Variants in SLC35D4 observed in about 807,000 individuals in gnomAD.
SLC35D4 encodes the protein UDP-N-acetylglucosamine transporter SLC35D4.
chr18:23,287,102 G>C, the SLC35D4 span, among the ~76,000 whole-genome samples: 1 of 151,994 alleles, frequency 6.6e-6, no homozygotes, highest in Non-Finnish European at 1.5e-5. Flanking sequence ...GCCTGCTACA[G>C]CATGGCCTTT....
the SLC35D4 span, among the ~76,000 whole-genome samples, chr18:23,406,226 A>T: frequency 1.3e-5 from 2 of 152,228 alleles, no homozygotes; most frequent in African/African-American, 4.8e-5. Flanking sequence ...AGGAACTGCC[A>T]GCAATTTGCA....
the SLC35D4 span, among the ~76,000 whole-genome samples, chr18:23,416,148 T>C: frequency 2.0e-5 from 3 of 152,244 alleles, no homozygotes; most frequent in Non-Finnish European, 4.4e-5. Flanking sequence ...GAGGCAGAAG[T>C]TGAAGTGAGC....
chr18:23,256,837 G>A, the SLC35D4 span, among the ~76,000 whole-genome samples: 4 of 152,226 alleles, frequency 2.6e-5, no homozygotes, highest in African/African-American at 9.6e-5. Flanking sequence ...CACAGGTAGA[G>A]TTTGAGTCCC....
At chr18:23,269,942 G>C in the SLC35D4 span, among the ~76,000 whole-genome samples, 2 of 152,218 alleles carry the variant, frequency 1.3e-5, no homozygotes, top group African/African-American at 4.8e-5. Context: ...CGATGTGATA[G>C]AAAAGAAAAC....
At chr18:23,329,100 A>T in the SLC35D4 span, among the ~76,000 whole-genome samples, 2 of 152,318 alleles carry the variant, frequency 1.3e-5, no homozygotes, top group South Asian at 4.1e-4. Context: ...AACCATAAAA[A>T]CCCTAGAAGA....
the SLC35D4 span, among the ~76,000 whole-genome samples, chr18:23,379,861 C>T: frequency 6.6e-6 from 1 of 151,828 alleles, no homozygotes; most frequent in African/African-American, 2.4e-5. Context: ...TTGGGGAGGC[C>T]GAGGAGGGCA....
the SLC35D4 span, among the ~76,000 whole-genome samples, chr18:23,417,937 G>A: frequency 3.3e-5 from 5 of 152,128 alleles, no homozygotes; most frequent in South Asian, 2.1e-4. Flanking sequence ...AAAGGAATAC[G>A]TTTACCCATT....
the SLC35D4 span, among the ~76,000 whole-genome samples, chr18:23,264,746 C>T: frequency 1.3e-5 from 2 of 151,764 alleles, no homozygotes; most frequent in African/African-American, 2.4e-5. Context: ...CAGGCTCAAT[C>T]GACTCTCCCA....
the SLC35D4 span, chr18:23,252,847 A>G: frequency 4.5e-6 from 3 of 667,864 alleles, no homozygotes; most frequent in East Asian, 5.8e-5. Flanking sequence ...CTCCAATGCA[A>G]GTTTTCCCGT....
chr18:23,257,378 G>A, the SLC35D4 span: 14 of 1,582,350 alleles, frequency 8.8e-6, no homozygotes, highest in South Asian at 9.3e-5. Flanking sequence ...CACTGGCCCC[G>A]AGGACAGCCA....
the SLC35D4 span, among the ~76,000 whole-genome samples, chr18:23,391,496 C>G: frequency 6.6e-6 from 1 of 152,262 alleles, no homozygotes; most frequent in East Asian, 1.9e-4. Flanking sequence ...AGGAAAACTT[C>G]AATTAGTTGT....
the SLC35D4 span, among the ~76,000 whole-genome samples, chr18:23,321,069 A>C: frequency 6.6e-6 from 1 of 152,078 alleles, no homozygotes; most frequent in African/African-American, 2.4e-5. Context: ...CTCTTTCCCT[A>C]ATATTTCCTC....
the SLC35D4 span, among the ~76,000 whole-genome samples, chr18:23,286,990 C>T: frequency 6.6e-6 from 1 of 150,746 alleles, no homozygotes; most frequent in Non-Finnish European, 1.5e-5. Context: ...ACTGATCATG[C>T]ACCCCTTACC....
At chr18:23,410,294 A>C in the SLC35D4 span, among the ~76,000 whole-genome samples, 7 of 152,052 alleles carry the variant, frequency 4.6e-5, no homozygotes, top group Middle Eastern at 3.4e-3. Context: ...TGGCTAACAC[A>C]GTGAAACCCT....
the SLC35D4 span, among the ~76,000 whole-genome samples, chr18:23,283,136 T>G: frequency 6.6e-6 from 1 of 152,124 alleles, no homozygotes; most frequent in Non-Finnish European, 1.5e-5. Context: ...AGGGTGTTCT[T>G]GGACATCACG....
At chr18:23,276,522 C>G in the SLC35D4 span, among the ~76,000 whole-genome samples, 2 of 151,884 alleles carry the variant, frequency 1.3e-5, no homozygotes, top group African/African-American at 4.8e-5. Flanking sequence ...GAGTGGGGCC[C>G]CAGCCTGGGG....
chr18:23,299,185 TTA>T, the SLC35D4 span, among the ~76,000 whole-genome samples: 2 of 152,240 alleles, frequency 1.3e-5, no homozygotes, highest in African/African-American at 4.8e-5. Flanking sequence ...GTTTTCAGCC[TTA>T]GTCTCTCCAT....
chr18:23,434,721 G>C, the SLC35D4 span, among the ~76,000 whole-genome samples: 3 of 152,242 alleles, frequency 2.0e-5, no homozygotes, highest in African/African-American at 7.2e-5. Flanking sequence ...TTGAGCCTAG[G>C]AGGCAGAGGT....
the SLC35D4 span, among the ~76,000 whole-genome samples, chr18:23,405,273 C>T: frequency 2.0e-5 from 3 of 152,100 alleles, no homozygotes; most frequent in African/African-American, 4.8e-5. Flanking sequence ...CTGCAACCTC[C>T]GCCTCCCAGG....
Sources: allele counts gnomAD v4.1 joint callset (sites outside exome capture counted in the v4.1 genomes callset), GRCh38; gene constraint gnomAD v4.1.1; transcripts MANE v1.5; gene names NCBI Gene and HGNC (gene_info 2026-07-23, HGNC 2026-07-21).